The following KIF13A variants were observed in gnomAD, a reference collection of about 807,000 sequenced individuals.
KIF13A encodes kinesin family member 13A.
A neutral mutation model predicts 212.2 loss-of-function variants in KIF13A; 79 were observed. The ratio of observed to expected loss-of-function variants is 0.37; its 90% CI spans 0.31 to 0.45. KIF13A has a LOEUF of 0.45. Ranked by LOEUF, KIF13A falls within the 20% of genes least tolerant of loss-of-function variation. The pLI, the probability that KIF13A is intolerant of heterozygous loss-of-function variation, is 1.00. For synonymous variants in KIF13A, 789 were observed against 808.6 expected (o/e 0.98, Z 0.41); for missense variants, 1,901 against 2,209.0 (o/e 0.86, Z 2.79).
chr6:17,976,092 TCC>T (rs1379664197), intron 2 of KIF13A, among the ~76,000 whole-genome samples: 1 of 152,246 alleles, frequency 6.6e-6, no homozygotes, highest in Non-Finnish European at 1.5e-5. Flanking sequence ...ATAAAGCTTC[TCC>T]ACATCCTCAC....
At position 17,967,840 on chromosome 6, in the gene KIF13A, T is replaced by C. The variant is rs1479458839; in HGVS notation, c.146+19214A>G. Among the ~76,000 whole-genome samples the C allele has an allele frequency of 6.6e-6, 1 of 152,210 alleles. No homozygotes were observed. Among genetic ancestry groups the C allele is most frequent in the African/African-American group, 2.4e-5 (1 of 41,444 alleles). On this transcript the variant is annotated intron_variant, in intron 2 of 38. Coordinates refer to ENST00000259711, the MANE Select transcript of KIF13A (RefSeq NM_022113.6). The surrounding 1 kb of genome is among the most constrained non-coding windows in gnomAD (Gnocchi z 4.1). ...AGATGCATCACAAGTAACTTGTTAA[T>C]AAGGTGCTCATTAAGTAAGTCTGTA...
rs545456235 is a variant in KIF13A at position 17,816,418 on chromosome 6, G to T, written c.2000+602C>A. On this transcript the variant is annotated intron_variant, in intron 17 of 38. Transcript: ENST00000259711. The surrounding 1 kb of genome is among the most constrained non-coding windows in gnomAD (Gnocchi z 4.3). ...AGGTCTCGTTATGTTGCTCAGGCTG[G>T]TCTTAAACTCCTGGGCTCAAGCGAT... Among the ~76,000 whole-genome samples, 62 of 152,206 alleles carry T rather than the reference G, an allele frequency of 4.1e-4. No individual in the cohort carries two copies. The highest frequency in any genetic ancestry group is 1.4e-3 in the African/African-American group (58 of 41,538).
At position 17,771,671 on chromosome 6, in the gene KIF13A, T is replaced by TA. The variant is rs755163817; in HGVS notation, c.4476+236dup. 6 of 426,118 alleles carry TA rather than the reference T, an allele frequency of 1.4e-5. No homozygotes were observed. Among genetic ancestry groups the TA allele is most frequent in the South Asian group, 1.3e-4 (2 of 15,012 alleles). 26.4% of individuals were successfully genotyped at this position (426,118 alleles called of 1,614,324 possible). On this transcript the variant is annotated intron_variant, in intron 37 of 38. Coordinates refer to ENST00000259711, the MANE Select transcript of KIF13A (RefSeq NM_022113.6). The surrounding 1 kb of genome is among the most constrained non-coding windows in gnomAD (Gnocchi z 5.4). Reference sequence around the variant, plus strand: ...GAAAACATCTTTCTCACTTGAAACATAAAAAAATACTTTGAAAAGCCATAA... The same window carrying TA: ...GAAAACATCTTTCTCACTTGAAACATAAAAAAAATACTTTGAAAAGCCATAA...
intron 2 of KIF13A, among the ~76,000 whole-genome samples, chr6:17,942,993 A>G (rs763027920): frequency 5.9e-5 from 9 of 152,140 alleles, no homozygotes; most frequent in Admixed American, 6.5e-5. Flanking sequence ...AACAAAAACA[A>G]AAACAAAAAC....
rs1297784446 is a variant in KIF13A, at chr6:17,826,142, A to G, written c.1533-18T>C. The G allele has an allele frequency of 1.9e-6, 3 of 1,599,656 alleles. No individual in the cohort carries two copies. The highest frequency in any genetic ancestry group is 2.6e-6 in the Non-Finnish European group (3 of 1,167,468). On this transcript the variant is annotated intron_variant, in intron 14 of 38. Coordinates refer to ENST00000259711, the MANE Select transcript of KIF13A (RefSeq NM_022113.6). The surrounding 1 kb of genome is among the most constrained non-coding windows in gnomAD (Gnocchi z 4.7). ...CACAGGACCTGGGAGAACACGAGGG[A>G]AAATACCAGGTAAATGGGAAGGAGC... is the stretch of plus-strand genomic sequence containing the variant.
At chr6:17,831,742 C>T (rs745885856) in intron 12 of KIF13A, among the ~76,000 whole-genome samples, 10 of 148,658 alleles carry the variant, frequency 6.7e-5, no homozygotes, top group Non-Finnish European at 1.3e-4. Flanking sequence ...GGGCCAAGAA[C>T]CCCTGGCAAA....
Position 17,775,011 on chromosome 6 carries a change from A to G in KIF13A, c.4218+4T>C, listed in dbSNP as rs1331297013. The stretch of plus-strand genomic sequence containing the variant: ...AAAACCTAGCCATGCCCATAGGTGC[A>G]TACCTTGTCATCTTCATCAAAGCCA... On this transcript the variant is annotated splice_donor_region_variant and intron_variant, in intron 35 of 38. Transcript: ENST00000259711. The G allele has an allele frequency of 1.2e-6, 2 of 1,609,686 alleles. No homozygotes were observed. The highest frequency in any genetic ancestry group is 1.7e-6 in the Non-Finnish European group (2 of 1,177,688).
intron 2 of KIF13A, among the ~76,000 whole-genome samples, chr6:17,902,316 TTC>T (rs1773123181): frequency 6.6e-6 from 1 of 152,198 alleles, no homozygotes; most frequent in African/African-American, 2.4e-5. Flanking sequence ...TCATGTGGAC[TTC>T]TCTAAGTATT....
rs752024775 is a variant in KIF13A, at chr6:17,764,944, G to C, written c.4584C>G (p.Asp1528Glu). Residue 1528 changes from aspartate to glutamate, a missense_variant and splice_region_variant, in exon 39 of 39, where the codon GAC (aspartate) becomes GAG (glutamate). By Grantham distance (45) the Asp-to-Glu change is conservative. This residue lies in a region of KIF13A where 687 missense variants were observed against 759.1 expected (regional missense o/e 0.90). Transcript: ENST00000259711. The surrounding 1 kb of genome is among the most constrained non-coding windows in gnomAD (Gnocchi z 5.1). Reference protein sequence around the residue: ...EHNSKREKKIDSEEEENELEA... With the variant: ...EHNSKREKKIESEEEENELEA... ...CCAGCTCATTTTCTTCCTCCTCAGAGTCCTATAGAAGTGAAGCAAAAGTCA... is the reference window on the plus strand; with the variant it reads ...CCAGCTCATTTTCTTCCTCCTCAGACTCCTATAGAAGTGAAGCAAAAGTCA... 6.2e-7 allele frequency: 1 copy of C among 1,602,204 alleles called. No homozygotes were observed.
rs776533442 is a variant in KIF13A, at chr6:17,875,024, C to CACACACAG, written c.160-1588_160-1587insCTGTGTGT. 6.6e-5 allele frequency among the ~76,000 whole-genome samples: 10 copies of CACACACAG among 150,458 alleles called. No homozygotes were observed. The South Asian group carries it at 1.3e-3, about 19-fold the overall frequency. Reference sequence around the variant, plus strand: ...GCACGCACACACACACACACACACACAGCATGGTTCCTTTATCCACTTGTT... The same window carrying CACACACAG: ...GCACGCACACACACACACACACACACACACACAGAGCATGGTTCCTTTATCCACTTGTT... On this transcript the variant is annotated intron_variant, in intron 3 of 38. Coordinates refer to ENST00000259711, the MANE Select transcript of KIF13A (RefSeq NM_022113.6).
intron 38 of KIF13A, among the ~76,000 whole-genome samples, chr6:17,766,956 A>G (rs1759047421): frequency 6.6e-6 from 1 of 152,246 alleles, no homozygotes; most frequent in African/African-American, 2.4e-5. Context: ...GACTGAAAAT[A>G]AATGTGTAAA....
chr6:17,977,114 C>CAAAAAAA (rs398000718), intron 2 of KIF13A, among the ~76,000 whole-genome samples: 10 of 106,682 alleles, frequency 9.4e-5, no homozygotes, highest in South Asian at 3.2e-4. Context: ...AAAACAACAA[C>CAAAAAAA]AAAAAAAAAA....
At position 17,918,596 on chromosome 6, in the gene KIF13A, T is replaced by G. The variant is rs1270135451; in HGVS notation, c.147-20416A>C. Among the ~76,000 whole-genome samples, 4 of 152,200 alleles carry G rather than the reference T, an allele frequency of 2.6e-5. No individual in the cohort carries two copies. The highest frequency in any genetic ancestry group is 9.6e-5 in the African/African-American group (4 of 41,462). On this transcript the variant is annotated intron_variant, in intron 2 of 38. Transcript: ENST00000259711. The surrounding 1 kb of genome is among the most constrained non-coding windows in gnomAD (Gnocchi z 4.8). ...CAGCAGGTATGTGTGTCGAGTTATC[T>G]AAATGGACCTTGTGTTTTCTTGGGG...
intron 2 of KIF13A, among the ~76,000 whole-genome samples, chr6:17,981,937 G>A (rs1169780288): frequency 6.6e-6 from 1 of 152,144 alleles, no homozygotes; most frequent in African/African-American, 2.4e-5. Flanking sequence ...AACCATCCTA[G>A]AAGCCTTCAG....
rs926274917 is a variant in KIF13A, at chr6:17,912,405, A to G, written c.147-14225T>C. On this transcript the variant is annotated intron_variant, in intron 2 of 38. Transcript: ENST00000259711. The surrounding 1 kb of genome is among the most constrained non-coding windows in gnomAD (Gnocchi z 4.2). ...CCAAACTGGGAGTGATCTTGATAAC[A>G]GCATCAGCCTGCCTGACCTTCCGTA... Among the ~76,000 whole-genome samples, 1 of 152,238 alleles carries G rather than the reference A, an allele frequency of 6.6e-6. No homozygotes were observed. The highest frequency in any genetic ancestry group is 2.4e-5 in the African/African-American group (1 of 41,452).
In KIF13A at chr6:17,831,179, C is replaced by T. The variant is rs1053642455; in HGVS notation, c.1323G>A (p.Lys441=). The T allele has an allele frequency of 3.7e-6, 6 of 1,613,968 alleles. No homozygotes were observed. Among genetic ancestry groups the T allele is most frequent in the Non-Finnish European group, 5.1e-6 (6 of 1,179,836 alleles). ...MGISLEMSGI[K]VGDDKCYLVN... ...CTAAGTAGCATTTGTCATCCCCCACCTTGATACCGGACATCTCCAGGGAAA... is the reference window on the plus strand; with the variant it reads ...CTAAGTAGCATTTGTCATCCCCCACTTTGATACCGGACATCTCCAGGGAAA... Residue 441 remains lysine (K), a synonymous_variant, in exon 13 of 39, where the codon AAG becomes AAA. Transcript: ENST00000259711.
intron 2 of KIF13A, among the ~76,000 whole-genome samples, chr6:17,952,620 G>T (rs1445114226): frequency 1.3e-5 from 2 of 151,600 alleles, no homozygotes; most frequent in African/African-American, 4.9e-5. Flanking sequence ...CAGTCTGGGT[G>T]ACAGGGAGAG....
At chr6:17,985,668 T>C (rs1781497236) in intron 2 of KIF13A, among the ~76,000 whole-genome samples, 1 of 146,234 alleles carries the variant, frequency 6.8e-6, no homozygotes, top group Non-Finnish European at 1.5e-5. Context: ...GTTGGTGATA[T>C]GGGCATCTAA....
chr6:17,898,071 C>T lies in KIF13A; in HGVS notation c.159+97G>A. On this transcript the variant is annotated intron_variant, in intron 3 of 38. Coordinates refer to ENST00000259711, the MANE Select transcript of KIF13A (RefSeq NM_022113.6). This position sits in a 1 kb window ranked among gnomAD's most constrained non-coding sequence, Gnocchi z 5.2. ...TTAAATTAGGATGCTGTTTTCAGTT[C>T]TCAATGAGACAGATGTTCTACATGG... The T allele has an allele frequency of 8.9e-7, 1 of 1,124,080 alleles. No homozygotes were observed. The highest frequency in any genetic ancestry group is 2.3e-5 in the Admixed American group (1 of 43,762). 69.6% of individuals were successfully genotyped at this position (1,124,080 alleles called of 1,614,324 possible).
Sources: allele counts gnomAD v4.1 joint callset (sites outside exome capture counted in the v4.1 genomes callset), GRCh38; gene constraint gnomAD v4.1.1; regional missense constraint gnomAD v4.1.1; non-coding constraint Gnocchi (gnomAD v3.1); transcripts MANE v1.5; gene names NCBI Gene and HGNC (gene_info 2026-07-23, HGNC 2026-07-21).